The following ITFG1 variants were observed in gnomAD, a reference collection of about 807,000 sequenced individuals.
ITFG1 encodes the protein integrin alpha FG-GAP repeat containing 1, also known as T-cell immunomodulatory protein.
Under a neutral mutation model 81.8 loss-of-function variants are expected in ITFG1, and 34 were observed. The ratio of observed to expected loss-of-function variants is 0.42; its 90% confidence interval spans 0.32 to 0.55. The LOEUF (loss-of-function observed/expected upper bound fraction) is 0.55, where lower values mean the gene tolerates loss of function less well. Among genes scored for constraint, ITFG1 ranks in the 20% least tolerant of loss-of-function variants. The probability of loss-of-function intolerance (pLI) is 0.17; values close to 1 mark genes in which losing one functional copy is unlikely to be tolerated. For missense variants in ITFG1, 672 were observed against 755.4 expected (o/e 0.89, Z 1.29); for synonymous variants, 285 against 270.6 (o/e 1.05, Z -0.52).
intron 6 of ITFG1, among the ~76,000 whole-genome samples, chr16:47,415,678 CATA>C (rs962763166): frequency 6.6e-6 from 1 of 151,962 alleles, no homozygotes; most frequent in African/African-American, 2.4e-5. Flanking sequence ...TTTTTCCAAT[CATA>C]ATGATTGGAT....
In ITFG1 at chr16:47,203,594, C is replaced by G. The variant is rs562222739; in HGVS notation, c.1453+15274G>C. On this transcript the variant is annotated intron_variant, in intron 14 of 17. Transcript: ENST00000320640. ...GAGCGTGCAGCCCAGATCCCTTACACGAACAGTTCACAATAGGGTTCATGG... is the reference window on the plus strand; with the variant it reads ...GAGCGTGCAGCCCAGATCCCTTACAGGAACAGTTCACAATAGGGTTCATGG... Among the ~76,000 whole-genome samples, 11 of 152,278 alleles carry G rather than the reference C, an allele frequency of 7.2e-5. 1 individual carries two copies. Among genetic ancestry groups the G allele is most frequent in the African/African-American group, 2.6e-4 (11 of 41,552 alleles).
intron 10 of ITFG1, among the ~76,000 whole-genome samples, chr16:47,264,603 G>T (rs1379381482): frequency 6.7e-6 from 1 of 149,866 alleles, no homozygotes; most frequent in East Asian, 2.0e-4. Context: ...GAGATAGAGA[G>T]AAAATTTTTC....
At chr16:47,416,259 TA>T (rs936147055) in intron 6 of ITFG1, among the ~76,000 whole-genome samples, 12 of 150,292 alleles carry the variant, frequency 8.0e-5, no homozygotes, top group African/African-American at 2.2e-4. Flanking sequence ...ATACATAACT[TA>T]AAAAAAAAGA....
Position 47,189,212 on chromosome 16 carries a change from T to C in ITFG1, c.1454-26548A>G, listed in dbSNP as rs555060226. Among the ~76,000 whole-genome samples the C allele has an allele frequency of 2.0e-5, 3 of 152,244 alleles. No homozygotes were observed. In the East Asian group the frequency reaches 5.8e-4, roughly 29 times the overall value. Reference sequence around the variant, plus strand: ...TTTATGTTTCTTCTTTTGTGTTAAATTGGTATATAATTCACATACCACAAA... The same window carrying C: ...TTTATGTTTCTTCTTTTGTGTTAAACTGGTATATAATTCACATACCACAAA... On this transcript the variant is annotated intron_variant, in intron 14 of 17. Coordinates refer to ENST00000320640, the MANE Select transcript of ITFG1 (RefSeq NM_030790.5).
intron 8 of ITFG1, among the ~76,000 whole-genome samples, chr16:47,330,733 A>G (rs753990462): frequency 2.0e-4 from 31 of 152,184 alleles, no homozygotes; most frequent in Non-Finnish European, 4.0e-4. Flanking sequence ...GCTCAATATC[A>G]CTAATCATCA....
chr16:47,350,247 C>A (rs1040920381), intron 8 of ITFG1, among the ~76,000 whole-genome samples: 4 of 152,030 alleles, frequency 2.6e-5, no homozygotes, highest in Admixed American at 2.0e-4. Flanking sequence ...GACAAAAAAA[C>A]CCTTCAAAAC....
chr16:47,156,528 A>G (rs1460099573), intron 17 of ITFG1, among the ~76,000 whole-genome samples: 2 of 152,202 alleles, frequency 1.3e-5, no homozygotes, highest in Non-Finnish European at 2.9e-5. Context: ...TGCTATTTTA[A>G]TATTAAAAAA....
intron 13 of ITFG1, among the ~76,000 whole-genome samples, chr16:47,231,168 T>G (rs1965813304): frequency 2.6e-5 from 4 of 152,232 alleles, no homozygotes; most frequent in Admixed American, 2.0e-4. Context: ...CAGAGTCTTT[T>G]TGTATATGGG....
chr16:47,200,831 T>A (rs1254013050), intron 14 of ITFG1, among the ~76,000 whole-genome samples: 2 of 152,196 alleles, frequency 1.3e-5, no homozygotes, highest in East Asian at 3.9e-4. Flanking sequence ...ATTAACTCTC[T>A]AGGTGATTTG....
intron 17 of ITFG1, 50 bp downstream of exon 17, chr16:47,158,823 A>G: frequency 2.2e-6 from 2 of 904,668 alleles, no homozygotes; most frequent in Non-Finnish European, 1.8e-6. Context: ...CAATGTATGT[A>G]TTACTAGAAT....
At chr16:47,182,124 T>G (rs1965132939) in intron 14 of ITFG1, among the ~76,000 whole-genome samples, 1 of 151,554 alleles carries the variant, frequency 6.6e-6, no homozygotes, top group Non-Finnish European at 1.5e-5. Flanking sequence ...CCTCCACTAT[T>G]GTCCTATGAC....
At chr16:47,223,542 A>G (rs912441483) in intron 13 of ITFG1, among the ~76,000 whole-genome samples, 5 of 152,172 alleles carry the variant, frequency 3.3e-5, no homozygotes, top group Non-Finnish European at 2.9e-5. Flanking sequence ...TTAGAATGGC[A>G]ATCATTAAAA....
At chr16:47,211,268 A>G (rs982188389) in intron 14 of ITFG1, among the ~76,000 whole-genome samples, 5 of 152,184 alleles carry the variant, frequency 3.3e-5, no homozygotes, top group African/African-American at 9.6e-5. Flanking sequence ...TAAGTATTTC[A>G]CATTTTTTGA....
intron 7 of ITFG1, among the ~76,000 whole-genome samples, chr16:47,366,084 T>G (rs1339183392): frequency 6.6e-6 from 1 of 152,180 alleles, no homozygotes; most frequent in African/African-American, 2.4e-5. Flanking sequence ...ATGCTTTCCT[T>G]GCTGTCAATT....
At chr16:47,206,747 A>G (rs544093713) in intron 14 of ITFG1, among the ~76,000 whole-genome samples, 1 of 152,280 alleles carries the variant, frequency 6.6e-6, no homozygotes, top group South Asian at 2.1e-4. Flanking sequence ...AGTGCAGTTA[A>G]TGCCATCTCC....
chr16:47,344,917 T>C (rs1041801593), intron 8 of ITFG1, among the ~76,000 whole-genome samples: 17 of 152,230 alleles, frequency 1.1e-4, no homozygotes, highest in African/African-American at 4.1e-4. Flanking sequence ...TTTTTATGAC[T>C]GAATAGTACT....
At chr16:47,235,348 G>A (rs2151533179) in intron 13 of ITFG1, among the ~76,000 whole-genome samples, 1 of 152,304 alleles carries the variant, frequency 6.6e-6, no homozygotes, top group African/African-American at 2.4e-5. Context: ...CAGGTCAAGA[G>A]ACTAATGGTT....
At chr16:47,169,466 A>G (rs974396263) in intron 14 of ITFG1, among the ~76,000 whole-genome samples, 1 of 148,222 alleles carries the variant, frequency 6.7e-6, no homozygotes. Flanking sequence ...AAACTGAACT[A>G]TTTTTTTTTT....
At position 47,421,295 on chromosome 16, in the gene ITFG1, CACACACACACAT is replaced by C. The variant is rs1326262538; in HGVS notation, c.655+7497_655+7508del. ...GCACACACACACACACACACACACA[CACACACACACAT>C]ACATATTTTTTTTTTCTGAGATGGA... is the stretch of plus-strand genomic sequence containing the variant. On this transcript the variant is annotated intron_variant, in intron 6 of 17. Coordinates refer to ENST00000320640, the MANE Select transcript of ITFG1 (RefSeq NM_030790.5). Among the ~76,000 whole-genome samples the C allele has an allele frequency of 2.1e-3, 316 of 149,288 alleles. 4 individuals carry two copies. Among genetic ancestry groups the C allele is most frequent in the African/African-American group, 7.7e-3 (303 of 39,162 alleles).
Sources: gnomAD v4.1 joint callset for allele counts (sites outside exome capture counted in the v4.1 genomes callset) on GRCh38, gnomAD v4.1.1 for gene constraint, MANE v1.5 for transcripts, NCBI Gene and HGNC (gene_info 2026-07-23, HGNC 2026-07-21) for gene names.